Variants in NCKAP5 observed in about 807,000 individuals in gnomAD.
NCKAP5 encodes the protein NCK associated protein 5.
A neutral mutation model predicts 167.0 loss-of-function variants in NCKAP5; 92 were observed. The ratio of observed to expected loss-of-function variants is 0.55; its 90% confidence interval spans 0.47 to 0.66. The LOEUF (loss-of-function observed/expected upper bound fraction) is 0.66. Among genes scored for constraint, NCKAP5 ranks in the 30% least tolerant of loss-of-function variants. The pLI is 0.00. For synonymous variants in NCKAP5, 891 were observed against 877.4 expected (o/e 1.02, Z -0.27); for missense variants, 2,378 against 2,315.0 (o/e 1.03, Z -0.56).
intron 16 of NCKAP5, among the ~76,000 whole-genome samples, chr2:132,758,129 C>T (rs1271077591): frequency 6.6e-6 from 1 of 152,204 alleles, no homozygotes; most frequent in Admixed American, 6.5e-5. Flanking sequence ...CTCCTGTCTC[C>T]TCATTCGGTT....
At chr2:133,381,291 A>T (rs1686502779) in intron 3 of NCKAP5, among the ~76,000 whole-genome samples, 1 of 152,172 alleles carries the variant, frequency 6.6e-6, no homozygotes, top group Non-Finnish European at 1.5e-5. Context: ...TTCTCAATGG[A>T]TATCACAGGT....
intron 7 of NCKAP5, among the ~76,000 whole-genome samples, chr2:132,979,448 G>A (rs1276972491): frequency 6.6e-6 from 1 of 151,982 alleles, no homozygotes; most frequent in Non-Finnish European, 1.5e-5. Context: ...GTGACCCACT[G>A]ACCTTGCTGC....
intron 11 of NCKAP5, among the ~76,000 whole-genome samples, chr2:132,859,994 C>A (rs751574721): frequency 8.6e-5 from 13 of 152,038 alleles, no homozygotes; most frequent in Non-Finnish European, 1.9e-4. Flanking sequence ...AAAAGACAAC[C>A]TGTAAAAATA....
At chr2:133,193,244 A>T (rs2085303813) in intron 5 of NCKAP5, among the ~76,000 whole-genome samples, 1 of 152,118 alleles carries the variant, frequency 6.6e-6, no homozygotes, top group Non-Finnish European at 1.5e-5. Flanking sequence ...CAGAGTTATA[A>T]AGGGCATGGG....
chr2:132,930,343 A>G (rs1696272274), intron 8 of NCKAP5: 1 of 152,114 alleles, frequency 6.6e-6, no homozygotes, highest in Non-Finnish European at 1.5e-5. Context: ...GTAAAACATT[A>G]TTTGGGAGGG....
intron 8 of NCKAP5, among the ~76,000 whole-genome samples, chr2:132,918,446 T>C (rs1695052844): frequency 6.6e-6 from 1 of 152,188 alleles, no homozygotes; most frequent in African/African-American, 2.4e-5. Flanking sequence ...ACATAGATCG[T>C]AGGGTTTGTC....
At chr2:132,815,763 C>T (rs1686221291) in intron 11 of NCKAP5, among the ~76,000 whole-genome samples, 1 of 152,176 alleles carries the variant, frequency 6.6e-6, no homozygotes, top group Non-Finnish European at 1.5e-5. Flanking sequence ...TGGAGCAAAG[C>T]CCAGGTCCAC....
At position 133,297,166 on chromosome 2, in the gene NCKAP5, AGTGTGTGTGTGTGTGT is replaced by A. The variant is rs60321858; in HGVS notation, c.143+5855_143+5870del. ...CCTGAACTAGTATACAGGTTGTCAC[AGTGTGTGTGTGTGTGT>A]GTGTGTGTGTGTGTGTGTGTGTGTG... On this transcript the variant is annotated intron_variant, in intron 4 of 19. Transcript: ENST00000409261. 4.1e-3 allele frequency among the ~76,000 whole-genome samples: 582 copies of A among 142,160 alleles called. 2 individuals carry two copies. Among genetic ancestry groups the A allele is most frequent in the Non-Finnish European group, 7.1e-3 (463 of 65,068 alleles). 93.3% of individuals were successfully genotyped at this position (142,160 alleles called of 152,430 possible).
chr2:133,517,157 G>C (rs377114464), intron 3 of NCKAP5, among the ~76,000 whole-genome samples: 115 of 152,280 alleles, frequency 7.6e-4, no homozygotes, highest in African/African-American at 2.7e-3. Flanking sequence ...CTTAGCATTT[G>C]GCATCAGCTA....
chr2:132,928,131 A>G (rs761676971), intron 8 of NCKAP5, among the ~76,000 whole-genome samples: 51 of 152,204 alleles, frequency 3.4e-4, no homozygotes, highest in Non-Finnish European at 6.9e-4. Flanking sequence ...TGGGAATCCA[A>G]TGTCAGCTTT....
At chr2:133,440,388 T>C (rs540936542) in intron 3 of NCKAP5, among the ~76,000 whole-genome samples, 29 of 152,278 alleles carry the variant, frequency 1.9e-4, no homozygotes, top group African/African-American at 6.5e-4. Context: ...ACAGTCATTC[T>C]GTTGTTGAAT....
chr2:133,026,515 G>T (rs1471387809), intron 6 of NCKAP5, among the ~76,000 whole-genome samples: 5 of 152,126 alleles, frequency 3.3e-5, no homozygotes, highest in South Asian at 4.2e-4. Flanking sequence ...AGAAAATCAG[G>T]CACCTTTCAA....
the NCKAP5 span, among the ~76,000 whole-genome samples, chr2:133,638,339 G>C: frequency 1.4e-4 from 21 of 152,022 alleles, no homozygotes; most frequent in African/African-American, 4.8e-4. Flanking sequence ...ACAATAAAGA[G>C]ATTATAAGAT....
chr2:133,277,930 A>G (rs1325363930), intron 4 of NCKAP5, among the ~76,000 whole-genome samples: 1 of 152,156 alleles, frequency 6.6e-6, no homozygotes, highest in African/African-American at 2.4e-5. Flanking sequence ...TTCGTTGGCC[A>G]TTTGACCAAA....
At chr2:132,715,014 A>G in intron 19 of NCKAP5, 1 of 403,578 alleles carries the variant, frequency 2.5e-6, no homozygotes, top group Non-Finnish European at 4.9e-6. Flanking sequence ...TCCCAAGCTC[A>G]TCTCCTTGGT....
At chr2:133,652,926 T>C in the NCKAP5 span, among the ~76,000 whole-genome samples, 1 of 152,224 alleles carries the variant, frequency 6.6e-6, no homozygotes, top group Non-Finnish European at 1.5e-5. Context: ...AAATTTTACC[T>C]TACCTTTCTG....
intron 6 of NCKAP5, among the ~76,000 whole-genome samples, chr2:133,082,426 T>G (rs748893087): frequency 1.4e-4 from 21 of 152,016 alleles, no homozygotes; most frequent in Non-Finnish European, 2.1e-4. Flanking sequence ...ACATACTGAG[T>G]GTGTCAGAGG....
the NCKAP5 span, among the ~76,000 whole-genome samples, chr2:133,603,319 C>T: frequency 4.4e-3 from 662 of 150,440 alleles, 26 homozygotes; most frequent in Admixed American, 0.033. Flanking sequence ...CTCTGCCTCC[C>T]GGGTTCCAGC....
intron 3 of NCKAP5, among the ~76,000 whole-genome samples, chr2:133,490,615 A>C (rs369845638): frequency 1.3e-5 from 2 of 152,348 alleles, no homozygotes; most frequent in East Asian, 3.9e-4. Context: ...CACGGTCAGC[A>C]TAATGGTGAA....
Sources: allele counts gnomAD v4.1 joint callset (sites outside exome capture counted in the v4.1 genomes callset), GRCh38; gene constraint gnomAD v4.1.1; transcripts MANE v1.5; gene names NCBI Gene and HGNC (gene_info 2026-07-23, HGNC 2026-07-21).